GALNT16: variants seen among roughly 807,000 people sequenced by gnomAD.
The protein encoded by GALNT16 is UDP-GalNAc:polypeptide N-acetylgalactosaminyltransferase-like protein 1.
GALNT16 carries 40 observed loss-of-function variants against 76.1 expected under a neutral mutation model. The observed-to-expected ratio is 0.53, with a 90% CI of 0.41 to 0.68. GALNT16 has a LOEUF of 0.68. Among genes scored for constraint, GALNT16 ranks in the 30% least tolerant of loss-of-function variants. The pLI, the probability that GALNT16 is intolerant of heterozygous loss-of-function variation, is 0.00. For synonymous variants in GALNT16, 276 were observed against 285.2 expected, an observed-to-expected ratio of 0.97 and a Z score of 0.32; for missense variants, 621 against 731.9, an observed-to-expected ratio of 0.85 and a Z score of 1.75.
upstream of GALNT16, chr14:69,260,136 A>AAAC: frequency 5.3e-5 from 6 of 113,990 alleles, no homozygotes; most frequent in South Asian, 4.3e-4. Flanking sequence ...TCTCCCTATC[A>AAAC]CCCCCCCGCC....
At chr14:69,262,595 G>A (rs576366211) in intron 1 of GALNT16, among the ~76,000 whole-genome samples, 2 of 152,282 alleles carry the variant, frequency 1.3e-5, no homozygotes, top group African/African-American at 2.4e-5. Context: ...GAAGGTGCAG[G>A]AAGAAAGGGA....
In GALNT16 at chr14:69,261,785, T is replaced by C. The variant is rs2044277587; in HGVS notation, c.177+1318T>C. On this transcript the variant is annotated intron_variant, in intron 1 of 14. Coordinates refer to ENST00000448469, the MANE Select transcript of GALNT16 (RefSeq NM_001168368.2). This position sits in a 1 kb window ranked among gnomAD's most constrained non-coding sequence, Gnocchi z 6.4. ...CAAAGGAAACATTATTTCAGGGCTT[T>C]GCCTGAGGAGACCTGGGGCGGGGGG... is the stretch of plus-strand genomic sequence containing the variant. Among the ~76,000 whole-genome samples, 1 of 151,770 alleles carries C rather than the reference T, an allele frequency of 6.6e-6. No individual in the cohort carries two copies. The highest frequency in any genetic ancestry group is 2.4e-5 in the African/African-American group (1 of 41,288).
intron 1 of GALNT16, among the ~76,000 whole-genome samples, chr14:69,270,459 G>A (rs1015255999): frequency 5.3e-5 from 8 of 152,176 alleles, no homozygotes; most frequent in African/African-American, 1.9e-4. Context: ...CCTGGCAGTC[G>A]TGCCCTGTGA....
chr14:69,330,311 G>T (rs1252051811), intron 6 of GALNT16, among the ~76,000 whole-genome samples: 2 of 152,166 alleles, frequency 1.3e-5, no homozygotes, highest in African/African-American at 4.8e-5. Flanking sequence ...TGAAGTGAAA[G>T]CCAGTCACGA....
intron 1 of GALNT16, among the ~76,000 whole-genome samples, chr14:69,295,716 T>G: frequency 6.6e-6 from 1 of 152,144 alleles, no homozygotes; most frequent in South Asian, 2.1e-4. Context: ...CGAGACTCCA[T>G]CTCAAAAAAA....
chr14:69,297,230 G>A (rs925445804), intron 1 of GALNT16, among the ~76,000 whole-genome samples: 5 of 152,254 alleles, frequency 3.3e-5, no homozygotes, highest in South Asian at 2.1e-4. Flanking sequence ...CCTCTTTGGC[G>A]GTCGTATCGA....
chr14:69,367,835 A>C, the GALNT16 span, among the ~76,000 whole-genome samples: 1 of 151,854 alleles, frequency 6.6e-6, no homozygotes, highest in African/African-American at 2.4e-5. Flanking sequence ...CCAAATAAAA[A>C]ATTAAATATT....
intron 2 of GALNT16, among the ~76,000 whole-genome samples, chr14:69,322,652 G>T (rs1276659737): frequency 1.3e-5 from 2 of 152,208 alleles, no homozygotes; most frequent in Non-Finnish European, 2.9e-5. Context: ...AGCACTTTGG[G>T]AGGCTGAGGT....
At chr14:69,370,211 A>G in the GALNT16 span, among the ~76,000 whole-genome samples, 2 of 152,216 alleles carry the variant, frequency 1.3e-5, no homozygotes, top group African/African-American at 2.4e-5. Context: ...GGCTTACAGA[A>G]CACCAGCCTG....
chr14:69,307,963 T>C (rs1276513385), intron 1 of GALNT16, among the ~76,000 whole-genome samples: 1 of 151,874 alleles, frequency 6.6e-6, no homozygotes, highest in Non-Finnish European at 1.5e-5. Context: ...TCAAGTTGGG[T>C]TGCCAACCAT....
intron 12 of GALNT16, among the ~76,000 whole-genome samples, chr14:69,344,424 G>A (rs927561786): frequency 6.6e-6 from 1 of 152,250 alleles, no homozygotes; most frequent in Non-Finnish European, 1.5e-5. Flanking sequence ...ACAGAAAGAA[G>A]TAGTGTCTTG....
intron 5 of GALNT16, among the ~76,000 whole-genome samples, chr14:69,326,347 C>T (rs2045284700): frequency 1.3e-5 from 2 of 152,178 alleles, no homozygotes; most frequent in Admixed American, 1.3e-4. Flanking sequence ...GAGAAAAATC[C>T]AGAAGCATAA....
intron 1 of GALNT16, among the ~76,000 whole-genome samples, chr14:69,306,380 CT>C (rs1361954170): frequency 2.0e-5 from 3 of 151,946 alleles, no homozygotes; most frequent in East Asian, 1.9e-4. Flanking sequence ...CACATGTACA[CT>C]TTTTTTTACT....
At chr14:69,347,791 C>T (rs1003515321) in intron 13 of GALNT16, 86 bp from the exon 14 acceptor site, 49 of 1,391,504 alleles carry the variant, frequency 3.5e-5, no homozygotes, top group Non-Finnish European at 4.7e-5. Context: ...AAAAATATGC[C>T]GTGTTTTTGC....
At chr14:69,272,727 T>A in intron 1 of GALNT16, among the ~76,000 whole-genome samples, 1 of 152,188 alleles carries the variant, frequency 6.6e-6, no homozygotes, top group East Asian at 1.9e-4. Flanking sequence ...AGTCTACCAT[T>A]TTTTATCTTC....
chr14:69,284,430 G>A (rs976896339), intron 1 of GALNT16, among the ~76,000 whole-genome samples: 1 of 152,126 alleles, frequency 6.6e-6, no homozygotes, highest in Non-Finnish European at 1.5e-5. Context: ...GTGTGCAGAC[G>A]AAGGTGACAT....
chr14:69,313,346 T>A (rs994869177), intron 1 of GALNT16, among the ~76,000 whole-genome samples: 1 of 152,226 alleles, frequency 6.6e-6, no homozygotes, highest in Non-Finnish European at 1.5e-5. Flanking sequence ...CATCCGCAGA[T>A]GGCCTCTGGG....
intron 11 of GALNT16, among the ~76,000 whole-genome samples, chr14:69,340,114 A>C (rs1009159524): frequency 1.3e-5 from 2 of 152,240 alleles, no homozygotes; most frequent in East Asian, 3.8e-4. Context: ...AGATTAGATT[A>C]GTACAGAGCA....
At chr14:69,323,671 C>T (rs2045235867) in intron 2 of GALNT16, among the ~76,000 whole-genome samples, 1 of 152,150 alleles carries the variant, frequency 6.6e-6, no homozygotes, top group East Asian at 1.9e-4. Context: ...CCACCACTAC[C>T]CTACACCCCC....
Sources: allele counts gnomAD v4.1 joint callset (sites outside exome capture counted in the v4.1 genomes callset), GRCh38; gene constraint gnomAD v4.1.1; non-coding constraint Gnocchi (gnomAD v3.1); transcripts MANE v1.5; gene names NCBI Gene and HGNC (gene_info 2026-07-23, HGNC 2026-07-21).